Variants in SS18L1 observed in about 807,000 individuals in gnomAD.
The protein encoded by SS18L1 is SS18L1 subunit of BAF chromatin remodeling complex.
SS18L1 carries 32 observed loss-of-function variants against 70.3 expected under a neutral mutation model. That is an observed-to-expected ratio of 0.46 (90% CI 0.34 to 0.61). SS18L1 has a LOEUF of 0.61. Ranked by LOEUF, SS18L1 falls within the 20% of genes least tolerant of loss-of-function variation. SS18L1 has a pLI of 0.01. For synonymous variants in SS18L1, 237 were observed against 229.7 expected (o/e 1.03, Z -0.29); for missense variants, 430 against 542.1 (o/e 0.79, Z 2.05).
chr20:62,154,274 C>CT (rs2057183542), intron 1 of SS18L1: 2 of 1,003,466 alleles, frequency 2.0e-6, no homozygotes, highest in Non-Finnish European at 2.4e-6. Context: ...TTTGATGACT[C>CT]TGACAGTTTT....
In SS18L1 at chr20:62,174,617, G is replaced by A; in HGVS notation, c.1137G>A (p.Gln379=). The A allele has an allele frequency of 6.2e-7, 1 of 1,613,686 alleles. No individual in the cohort carries two copies. The highest frequency in any genetic ancestry group is 8.5e-7 in the Non-Finnish European group (1 of 1,180,038). The change falls in exon 10 of 11, where the codon CAG becomes CAA. Residue 379 remains glutamine (Q), a synonymous_variant. Transcript: ENST00000331758. The surrounding 1 kb of genome is among the most constrained non-coding windows in gnomAD (Gnocchi z 4.1). ...CACCGCAGACAGCGCCGTCTGCCCA[G>A]CAGCAGCGGCCCTACGGCTATGAAC... is the stretch of plus-strand genomic sequence containing the variant. The part of the protein sequence containing the change: ...YRAPQTAPSA[Q]QQRPYGYEQG...
Position 62,159,828 on chromosome 20 carries a change from G to C in SS18L1, c.147-49G>C, listed in dbSNP as rs367981378. The C allele has an allele frequency of 2.5e-6, 4 of 1,577,892 alleles. No homozygotes were observed. Among genetic ancestry groups the C allele is most frequent in the Non-Finnish European group, 1.7e-6 (2 of 1,156,088 alleles). ...TACTTCTGCCTTGGATCCACGTGGG[G>C]ACTCTGTGGTCCCGTCGTCCTGCCT... On this transcript the variant is annotated intron_variant, in intron 2 of 10. Transcript: ENST00000331758. The surrounding 1 kb of genome is among the most constrained non-coding windows in gnomAD (Gnocchi z 4.4).
In SS18L1 at chr20:62,174,492, C is replaced by T. The variant is rs754447885; in HGVS notation, c.1037-25C>T. The T allele has an allele frequency of 1.8e-5, 28 of 1,589,608 alleles. No homozygotes were observed. Among genetic ancestry groups the T allele is most frequent in the Non-Finnish European group, 1.4e-5 (16 of 1,165,848 alleles). Reference sequence around the variant, plus strand: ...GAAAGAGGTGTCCGTTTTGGCCGGCCTCACGGTTCCTGGTGTCTTCTCAGG... The same window carrying T: ...GAAAGAGGTGTCCGTTTTGGCCGGCTTCACGGTTCCTGGTGTCTTCTCAGG... On this transcript the variant is annotated intron_variant, in intron 9 of 10. Coordinates refer to ENST00000331758, the MANE Select transcript of SS18L1 (RefSeq NM_198935.3). The surrounding 1 kb of genome is among the most constrained non-coding windows in gnomAD (Gnocchi z 4.1).
intron 1 of SS18L1, among the ~76,000 whole-genome samples, chr20:62,151,964 C>A (rs555610600): frequency 6.7e-6 from 1 of 148,980 alleles, no homozygotes; most frequent in African/African-American, 2.5e-5. Flanking sequence ...CTCCCCCGTT[C>A]CCCTCTTTTC....
At position 62,161,310 on chromosome 20, in the gene SS18L1, A is replaced by T; in HGVS notation, c.232-126A>T. 1 of 1,362,822 alleles carries T rather than the reference A, an allele frequency of 7.3e-7. No individual in the cohort carries two copies. Among genetic ancestry groups the T allele is most frequent in the Non-Finnish European group, 1.0e-6 (1 of 966,432 alleles). The allele number at this position is 1,362,822 out of a possible 1,614,324, so 84.4% of individuals were successfully genotyped here. On this transcript the variant is annotated intron_variant, in intron 3 of 10. Transcript: ENST00000331758. This position sits in a 1 kb window ranked among gnomAD's most constrained non-coding sequence, Gnocchi z 4.4. ...CTGTGACGATGGCTGCTGATTACGA[A>T]CATTGACCAGGTGGCCATGATGTGT...
intron 8 of SS18L1, among the ~76,000 whole-genome samples, chr20:62,165,891 C>T (rs1260045444): frequency 2.0e-5 from 3 of 150,948 alleles, no homozygotes; most frequent in Non-Finnish European, 4.4e-5. Context: ...GCCTGCGAGC[C>T]ACTCTCAGAG....
In SS18L1 at chr20:62,158,538, A is replaced by G. The variant is rs2057263992; in HGVS notation, c.70-134A>G. On this transcript the variant is annotated intron_variant, in intron 1 of 10. Coordinates refer to ENST00000331758, the MANE Select transcript of SS18L1 (RefSeq NM_198935.3). This position sits in a 1 kb window ranked among gnomAD's most constrained non-coding sequence, Gnocchi z 4.5. Reference sequence around the variant, plus strand: ...AATACAGATATCCCCAAATCTGGAAAAATCTGAAATCTGACACGTTTCACG... The same window carrying G: ...AATACAGATATCCCCAAATCTGGAAGAATCTGAAATCTGACACGTTTCACG... 2 of 1,415,572 alleles carry G rather than the reference A, an allele frequency of 1.4e-6. No homozygotes were observed. Among genetic ancestry groups the G allele is most frequent in the Middle Eastern group, 2.5e-4 (1 of 3,982 alleles). The allele number at this position is 1,415,572 out of a possible 1,614,324, so 87.7% of individuals were successfully genotyped here. A position where few individuals can be genotyped will look rare whatever the true frequency, so the allele number is the denominator to read the frequency against.
chr20:62,161,471 C>T lies in SS18L1; in HGVS notation c.267C>T (p.Ala89=), dbSNP rs1019195371. The T allele has an allele frequency of 6.2e-7, 1 of 1,612,918 alleles. No homozygotes were observed. The highest frequency in any genetic ancestry group is 8.5e-7 in the Non-Finnish European group (1 of 1,180,016). Residue 89 remains alanine (A), a synonymous_variant, in exon 4 of 11, where the codon GCC becomes GCT. Coordinates refer to ENST00000331758, the MANE Select transcript of SS18L1 (RefSeq NM_198935.3). The surrounding 1 kb of genome is among the most constrained non-coding windows in gnomAD (Gnocchi z 4.4). Reference sequence around the variant, plus strand: ...AGAACATGAACCTGGGCCCTGGAGCCCTGACTCAGAGCGGCTCCAGCCAGG... The same window carrying T: ...AGAACATGAACCTGGGCCCTGGAGCTCTGACTCAGAGCGGCTCCAGCCAGG... ...PTQNMNLGPG[A]LTQSGSSQGL...
chr20:62,162,650 C>T, intron 4 of SS18L1, 102 bp from the exon 5 acceptor site: 1 of 1,282,926 alleles, frequency 7.8e-7, no homozygotes, highest in Non-Finnish European at 1.1e-6. Flanking sequence ...TTGATAGCAA[C>T]TCTTCCCAAA....
chr20:62,178,666 C>T (rs117555429), intron 10 of SS18L1, among the ~76,000 whole-genome samples: 1 of 152,208 alleles, frequency 6.6e-6, no homozygotes, highest in African/African-American at 2.4e-5. Flanking sequence ...TCCCACCTCA[C>T]CCTCCAAGTA....
At position 62,168,852 on chromosome 20, in the gene SS18L1, C is replaced by T. The variant is rs375060485; in HGVS notation, c.916+3338C>T. On this transcript the variant is annotated intron_variant, in intron 8 of 10. Coordinates refer to ENST00000331758, the MANE Select transcript of SS18L1 (RefSeq NM_198935.3). ...ATTTTCCAACTTTTGAGTCATCCCA[C>T]AGCAGGATGAGTGGGACAGGCTGGT... 1.8e-4 allele frequency among the ~76,000 whole-genome samples: 27 copies of T among 152,296 alleles called. No individual in the cohort carries two copies. The East Asian group carries it at 3.9e-3, about 22-fold the overall frequency.
chr20:62,144,554 G>C (rs1274337503), intron 1 of SS18L1, among the ~76,000 whole-genome samples: 1 of 152,246 alleles, frequency 6.6e-6, no homozygotes, highest in East Asian at 1.9e-4. Flanking sequence ...TATCCTCGCG[G>C]CTACGCCGGG....
At chr20:62,179,152 G>C in intron 10 of SS18L1, 30 bp from the exon 11 acceptor site, 1 of 1,613,630 alleles carries the variant, frequency 6.2e-7, no homozygotes, top group Non-Finnish European at 8.5e-7. Context: ...ATTACTATAG[G>C]GGTGTAATCT....
Position 62,146,605 on chromosome 20 carries a change from A to ATTTTTTTTTTTT in SS18L1, c.69+2726_69+2737dup, listed in dbSNP as rs10673768. Among the ~76,000 whole-genome samples, 70 of 79,706 alleles carry ATTTTTTTTTTTT rather than the reference A, an allele frequency of 8.8e-4. 6 individuals are homozygous for ATTTTTTTTTTTT. Among genetic ancestry groups the ATTTTTTTTTTTT allele is most frequent in the Non-Finnish European group, 1.1e-3 (52 of 45,222 alleles). 52.3% of individuals were successfully genotyped at this position (79,706 alleles called of 152,430 possible). A position where few individuals can be genotyped will look rare whatever the true frequency, so the allele number is the denominator to read the frequency against. On this transcript the variant is annotated intron_variant, in intron 1 of 10. Coordinates refer to ENST00000331758, the MANE Select transcript of SS18L1 (RefSeq NM_198935.3). ...CATCCAGCGTGTCTCTGCTTTGATCATTTTTTTTTTTTTTTTTTTTTGAGA... is the reference window on the plus strand; with the variant it reads ...CATCCAGCGTGTCTCTGCTTTGATCATTTTTTTTTTTTTTTTTTTTTTTTTTTTTTTTTGAGA...
intron 7 of SS18L1, among the ~76,000 whole-genome samples, chr20:62,164,626 G>A (rs968907219): frequency 2.0e-5 from 3 of 152,212 alleles, no homozygotes; most frequent in Admixed American, 1.3e-4. Flanking sequence ...TGAAGGTGAC[G>A]GCTCCACCTG....
At chr20:62,153,987 A>G (rs2057178720) in intron 1 of SS18L1, among the ~76,000 whole-genome samples, 2 of 152,092 alleles carry the variant, frequency 1.3e-5, no homozygotes, top group Non-Finnish European at 1.5e-5. Context: ...TGTCCTGTGG[A>G]CACGTGTTAT....
At chr20:62,177,023 G>C (rs939474411) in intron 10 of SS18L1, among the ~76,000 whole-genome samples, 3 of 152,216 alleles carry the variant, frequency 2.0e-5, no homozygotes, top group African/African-American at 4.8e-5. Flanking sequence ...CACGATGCCA[G>C]TAGCACCCCC....
chr20:62,167,237 G>T (rs2057452032), intron 8 of SS18L1, among the ~76,000 whole-genome samples: 1 of 149,928 alleles, frequency 6.7e-6, no homozygotes, highest in Admixed American at 6.6e-5. Flanking sequence ...TAGAGATGGG[G>T]TTTCATCATG....
chr20:62,166,976 A>T (rs868756281), intron 8 of SS18L1, among the ~76,000 whole-genome samples: 25 of 150,912 alleles, frequency 1.7e-4, no homozygotes, highest in African/African-American at 6.1e-4. Flanking sequence ...ATGGTGGCTT[A>T]CGCCTGTAAT....
Sources: gnomAD v4.1 joint callset for allele counts (sites outside exome capture counted in the v4.1 genomes callset) on GRCh38, gnomAD v4.1.1 for gene constraint, Gnocchi (gnomAD v3.1) non-coding constraint, MANE v1.5 for transcripts, NCBI Gene and HGNC (gene_info 2026-07-23, HGNC 2026-07-21) for gene names.